Variants in CTNNA3 observed in about 807,000 individuals in gnomAD.
The protein encoded by CTNNA3 is catenin alpha 3.
A neutral mutation model predicts 95.7 loss-of-function variants in CTNNA3; 76 were observed. The ratio of observed to expected loss-of-function variants is 0.79; its 90% CI spans 0.66 to 0.96. CTNNA3 has a LOEUF of 0.96. Ranked by LOEUF, CTNNA3 falls within the 40% of genes least tolerant of loss-of-function variation. The pLI is 0.00. For missense variants in CTNNA3, 1,191 were observed against 1,089.8 expected, an observed-to-expected ratio of 1.09 and a Z score of -1.31; for synonymous variants, 431 against 374.4, an observed-to-expected ratio of 1.15 and a Z score of -1.74.
At chr10:67,532,826 T>C (rs1216883949) in intron 4 of CTNNA3, among the ~76,000 whole-genome samples, 1 of 152,176 alleles carries the variant, frequency 6.6e-6, no homozygotes, top group African/African-American at 2.4e-5. Context: ...GAATAAGTTT[T>C]ATTCTCCCCA....
chr10:67,332,364 A>C (rs2132586657), intron 5 of CTNNA3, among the ~76,000 whole-genome samples: 1 of 152,340 alleles, frequency 6.6e-6, no homozygotes, highest in South Asian at 2.1e-4. Flanking sequence ...AAACCTAAAA[A>C]TTCACTTAAA....
chr10:66,549,012 G>A (rs1197891002), intron 10 of CTNNA3, among the ~76,000 whole-genome samples: 13 of 127,088 alleles, frequency 1.0e-4, no homozygotes, highest in East Asian at 2.5e-4. Context: ...TGTTTGAGAC[G>A]GAGTCTTGCT....
At chr10:67,434,006 A>G (rs1846215341) in intron 5 of CTNNA3, among the ~76,000 whole-genome samples, 1 of 152,084 alleles carries the variant, frequency 6.6e-6, no homozygotes, top group Non-Finnish European at 1.5e-5. Flanking sequence ...GCCTGGGTAC[A>G]ATCTCCTCAA....
At chr10:67,325,359 T>G (rs1015405809) in intron 5 of CTNNA3, among the ~76,000 whole-genome samples, 12 of 152,186 alleles carry the variant, frequency 7.9e-5, no homozygotes, top group African/African-American at 2.9e-4. Flanking sequence ...AACTTTTTGA[T>G]GTGGGCATTT....
chr10:67,207,908 C>A (rs1454517351), intron 6 of CTNNA3, among the ~76,000 whole-genome samples: 3 of 152,228 alleles, frequency 2.0e-5, no homozygotes, highest in Middle Eastern at 6.8e-3. Flanking sequence ...GAACAGAAAT[C>A]TTCACTTTTA....
At chr10:66,781,418 A>G (rs1399021424) in intron 7 of CTNNA3, among the ~76,000 whole-genome samples, 1 of 152,156 alleles carries the variant, frequency 6.6e-6, no homozygotes, top group African/African-American at 2.4e-5. Flanking sequence ...TACATTTTTC[A>G]GGCATGAAAG....
At chr10:67,704,824 A>G (rs1039212111) in intron 1 of CTNNA3, among the ~76,000 whole-genome samples, 1 of 152,184 alleles carries the variant, frequency 6.6e-6, no homozygotes, top group African/African-American at 2.4e-5. Flanking sequence ...ACAAACTACC[A>G]TCAGAGTGAA....
intron 7 of CTNNA3, among the ~76,000 whole-genome samples, chr10:66,949,292 C>A (rs1300332255): frequency 6.6e-6 from 1 of 152,144 alleles, no homozygotes; most frequent in African/African-American, 2.4e-5. Flanking sequence ...GCTGTGGGCT[C>A]ATGCCTGTAA....
At chr10:66,252,202 C>G (rs868391306) in intron 13 of CTNNA3, among the ~76,000 whole-genome samples, 2 of 152,090 alleles carry the variant, frequency 1.3e-5, no homozygotes, top group Non-Finnish European at 2.9e-5. Context: ...CAGATACAGC[C>G]TTTTAGCTTG....
chr10:66,597,739 C>CA (rs570532236), intron 10 of CTNNA3, among the ~76,000 whole-genome samples: 179 of 150,564 alleles, frequency 1.2e-3, no homozygotes, highest in Non-Finnish European at 1.9e-3. Flanking sequence ...TACTGAAAGA[C>CA]AAAAAAATCT....
At chr10:66,557,262 T>C (rs534032629) in intron 10 of CTNNA3, among the ~76,000 whole-genome samples, 100 of 152,178 alleles carry the variant, frequency 6.6e-4, no homozygotes, top group Non-Finnish European at 1.2e-3. Context: ...AGCATATCAA[T>C]TTTCTATAAG....
intron 5 of CTNNA3, among the ~76,000 whole-genome samples, chr10:67,329,964 C>T (rs887188922): frequency 6.6e-6 from 1 of 152,178 alleles, no homozygotes; most frequent in East Asian, 1.9e-4. Context: ...TCCAAGATGC[C>T]AGCTAGAGTT....
At chr10:67,296,369 C>A (rs999620556) in intron 5 of CTNNA3, among the ~76,000 whole-genome samples, 2 of 151,982 alleles carry the variant, frequency 1.3e-5, no homozygotes. Context: ...TACAGTAAAC[C>A]CAGTAAATTC....
chr10:67,302,404 A>G (rs761987862), intron 5 of CTNNA3, among the ~76,000 whole-genome samples: 2 of 152,228 alleles, frequency 1.3e-5, no homozygotes, highest in Non-Finnish European at 2.9e-5. Flanking sequence ...ATGTAAATCA[A>G]TAAGAAAATA....
intron 16 of CTNNA3, among the ~76,000 whole-genome samples, chr10:65,982,182 G>C (rs2078333483): frequency 6.6e-6 from 1 of 150,582 alleles, no homozygotes; most frequent in South Asian, 2.1e-4. Flanking sequence ...AGTGGGCTAA[G>C]GACATGAATA....
At position 67,464,122 on chromosome 10, in the gene CTNNA3, A is replaced by G. The variant is rs1010637997; in HGVS notation, c.579+57720T>C. Among the ~76,000 whole-genome samples, 3 of 152,308 alleles carry G rather than the reference A, an allele frequency of 2.0e-5. No homozygotes were observed. The South Asian group carries it at 6.2e-4, about 32-fold the overall frequency. ...GAAACTCGATCCTGTTATTTAAAAC[A>G]TTCTATAATCCGGCTCTAACTGATT... On this transcript the variant is annotated intron_variant, in intron 5 of 17. Transcript: ENST00000433211.
At chr10:67,123,314 A>G (rs1002873590) in intron 7 of CTNNA3, among the ~76,000 whole-genome samples, 2 of 152,114 alleles carry the variant, frequency 1.3e-5, no homozygotes, top group Non-Finnish European at 2.9e-5. Flanking sequence ...TGCTTGATGT[A>G]TGCTAGTCCT....
At chr10:67,493,338 G>A (rs1199179460) in intron 5 of CTNNA3, among the ~76,000 whole-genome samples, 2 of 152,218 alleles carry the variant, frequency 1.3e-5, no homozygotes, top group Admixed American at 1.3e-4. Context: ...GAGGCGGGTG[G>A]ATCATGAGGT....
chr10:67,587,703 A>T (rs1228803973), intron 3 of CTNNA3, among the ~76,000 whole-genome samples: 1 of 152,046 alleles, frequency 6.6e-6, no homozygotes, highest in African/African-American at 2.4e-5. Flanking sequence ...TTTGCATTGT[A>T]TTTATTTGGG....
Sources: allele counts gnomAD v4.1 joint callset (sites outside exome capture counted in the v4.1 genomes callset), GRCh38; gene constraint gnomAD v4.1.1; transcripts MANE v1.5; gene names NCBI Gene and HGNC (gene_info 2026-07-23, HGNC 2026-07-21).